SUN1: variants seen among roughly 807,000 people sequenced by gnomAD.
The protein encoded by SUN1 is Sad1 and UNC84 domain containing 1, also known as SUN domain-containing protein 1.
Under a neutral mutation model 103.2 loss-of-function variants are expected in SUN1, and 61 were observed. That is an observed-to-expected ratio of 0.59 (90% CI 0.48 to 0.73). SUN1 has a LOEUF of 0.73. SUN1 is among the 30% of genes least tolerant of loss of function. SUN1 has a pLI of 0.00. For synonymous variants in SUN1, 490 were observed against 425.7 expected, an observed-to-expected ratio of 1.15 and a Z score of -1.86; for missense variants, 1,052 against 1,034.6, an observed-to-expected ratio of 1.02 and a Z score of -0.23.
intron 11 of SUN1, 61 bp downstream of exon 11, chr7:855,067 T>G: frequency 7.8e-7 from 1 of 1,280,818 alleles, no homozygotes; most frequent in South Asian, 1.3e-5. Flanking sequence ...TGGCTAATAT[T>G]TTAAAGCCCT....
chr7:873,191 G>A (rs1259712163), intron 18 of SUN1, 24 bp from the exon 19 acceptor site: 3 of 1,601,976 alleles, frequency 1.9e-6, no homozygotes, highest in Non-Finnish European at 2.6e-6. Flanking sequence ...ATACATGTGT[G>A]TGTTTTTCCC....
At chr7:842,255 T>C in intron 3 of SUN1, 125 bp downstream of exon 3, 2 of 1,051,734 alleles carry the variant, frequency 1.9e-6, no homozygotes, top group Non-Finnish European at 1.4e-6. Flanking sequence ...AGAGGGAGGC[T>C]GTGGCCACAT....
At chr7:861,792 A>G (rs994510694) in intron 15 of SUN1, among the ~76,000 whole-genome samples, 3 of 152,238 alleles carry the variant, frequency 2.0e-5, no homozygotes, top group Non-Finnish European at 4.4e-5. Flanking sequence ...GAGACTCAGC[A>G]GTGACCACAC....
At chr7:832,651 T>C (rs749088771) in intron 1 of SUN1, 50 bp downstream of exon 1, 7 of 1,489,734 alleles carry the variant, frequency 4.7e-6, no homozygotes, top group Non-Finnish European at 5.6e-6. Context: ...GCCCACTCGC[T>C]GTCGCGGTGG....
upstream of SUN1, chr7:831,032 C>T (rs1797467902): frequency 2.0e-6 from 2 of 984,998 alleles, no homozygotes; most frequent in South Asian, 4.7e-5. Context: ...GGCTCCTCTG[C>T]GTGTGGGTTG....
chr7:846,439 G>A (rs931621986), intron 5 of SUN1, among the ~76,000 whole-genome samples: 2 of 152,014 alleles, frequency 1.3e-5, no homozygotes, highest in African/African-American at 4.8e-5. Context: ...AGTGAGAGGT[G>A]GCACGTACCT....
chr7:816,527 G>A (rs894172341), upstream of SUN1: 46 of 342,480 alleles, frequency 1.3e-4, 1 homozygote, highest in Middle Eastern at 4.7e-3. Flanking sequence ...TGGCCAGAAC[G>A]CTTCGGGTGG....
In SUN1 at chr7:852,593, T is replaced by C; in HGVS notation, c.852-16T>C. 6.2e-7 allele frequency: 1 copy of C among 1,614,210 alleles called. No individual in the cohort carries two copies. Among genetic ancestry groups the C allele is most frequent in the Non-Finnish European group, 8.5e-7 (1 of 1,180,012 alleles). On this transcript the variant is annotated splice_polypyrimidine_tract_variant and intron_variant, in intron 7 of 18. Coordinates refer to ENST00000401592, the MANE Select transcript of SUN1 (RefSeq NM_001130965.3). ...TTCATTTTTTCTAAGTCAAAGGTTT[T>C]CATTGTTACTCCCAGGTGCCTTCGA...
intron 14 of SUN1, among the ~76,000 whole-genome samples, chr7:860,631 T>G (rs139121644): frequency 6.6e-6 from 1 of 152,212 alleles, no homozygotes; most frequent in Admixed American, 6.5e-5. Flanking sequence ...CTTTATACTT[T>G]GTGAATCTTT....
At chr7:826,900 T>G (rs965744468) in intron 1 of SUN1, among the ~76,000 whole-genome samples, 3 of 152,250 alleles carry the variant, frequency 2.0e-5, no homozygotes, top group Admixed American at 6.5e-5. Context: ...TTGCTGTTTA[T>G]AGGCTGAAGG....
rs1037773226 is a variant in SUN1 at position 852,174 on chromosome 7, A to C, written c.851+131A>C. The C allele has an allele frequency of 4.7e-6, 4 of 842,910 alleles. No individual in the cohort carries two copies. In the East Asian group the frequency reaches 1.0e-4, roughly 22 times the overall value. The allele number at this position is 842,910 out of a possible 1,614,324, so 52.2% of individuals were successfully genotyped here. A position where few individuals can be genotyped will look rare whatever the true frequency, so the allele number is the denominator to read the frequency against. ...TACATAGTGTTTGTATATTTTACAA[A>C]AGTGCTTTTATATTCTTATTTTTCA... On this transcript the variant is annotated intron_variant, in intron 7 of 18. Coordinates refer to ENST00000401592, the MANE Select transcript of SUN1 (RefSeq NM_001130965.3).
intron 16 of SUN1, 158 bp from the exon 17 acceptor site, chr7:869,191 C>A: frequency 3.2e-5 from 27 of 856,670 alleles, no homozygotes; most frequent in Non-Finnish European, 3.4e-5. Flanking sequence ...GAGTGAATTA[C>A]AAATGCCTTT....
chr7:820,287 C>T (rs1191338445), intron 1 of SUN1, among the ~76,000 whole-genome samples: 1 of 152,192 alleles, frequency 6.6e-6, no homozygotes, highest in Non-Finnish European at 1.5e-5. Flanking sequence ...ACAAGTGGTG[C>T]ACTTCCTTGG....
At position 869,232 on chromosome 7, in the gene SUN1, A is replaced by G. The variant is rs2128552639; in HGVS notation, c.1981-117A>G. The G allele has an allele frequency of 9.2e-6, 12 of 1,304,172 alleles. No homozygotes were observed. The South Asian group carries it at 1.5e-4, about 16-fold the overall frequency. 80.8% of individuals were successfully genotyped at this position (1,304,172 alleles called of 1,614,324 possible). ...CTTATCTTCGGATTTTGCTCATGGC[A>G]GTTTCTACCATGTAAAACTTATTTT... On this transcript the variant is annotated intron_variant, in intron 16 of 18. Coordinates refer to ENST00000401592, the MANE Select transcript of SUN1 (RefSeq NM_001130965.3).
chr7:846,376 G>A (rs1815773688), intron 5 of SUN1, among the ~76,000 whole-genome samples: 1 of 152,120 alleles, frequency 6.6e-6, no homozygotes, highest in African/African-American at 2.4e-5. Context: ...CAAAGTGCTG[G>A]GATTACAGGG....
chr7:842,800 G>T, intron 3 of SUN1: 1 of 279,006 alleles, frequency 3.6e-6, no homozygotes, highest in Non-Finnish European at 7.0e-6. Context: ...TGCTAATTTT[G>T]GGAAGCCTTG....
intron 10 of SUN1, among the ~76,000 whole-genome samples, chr7:853,833 T>C (rs944112329): frequency 3.9e-5 from 6 of 152,182 alleles, no homozygotes; most frequent in Non-Finnish European, 8.8e-5. Context: ...ATAGCGCACA[T>C]GGAAGTGGTG....
intron 7 of SUN1, 64 bp downstream of exon 7, chr7:852,107 C>G (rs191337911): frequency 1.0e-5 from 14 of 1,359,588 alleles, no homozygotes; most frequent in African/African-American, 1.4e-5. Context: ...CAATTGCAGG[C>G]TCTCATTTGA....
chr7:868,796 T>G, intron 16 of SUN1: 1 of 20,286 alleles, frequency 4.9e-5, no homozygotes, highest in Non-Finnish European at 8.2e-5. Context: ...GTTGGTCGGA[T>G]CGGGGGGCAG....
Sources: allele counts gnomAD v4.1 joint callset (sites outside exome capture counted in the v4.1 genomes callset), GRCh38; gene constraint gnomAD v4.1.1; transcripts MANE v1.5; gene names NCBI Gene and HGNC (gene_info 2026-07-23, HGNC 2026-07-21).